ANXA4: variants seen among roughly 807,000 people sequenced by gnomAD.
ANXA4 encodes 35-beta calcimedin.
Under a neutral mutation model 49.8 loss-of-function variants are expected in ANXA4, and 39 were observed. That is an observed-to-expected ratio of 0.78 (90% CI 0.61 to 1.02). ANXA4 has a LOEUF of 1.02. ANXA4 is among the 50% of genes least tolerant of loss of function. ANXA4 has a pLI of 0.00. For synonymous variants in ANXA4, 134 were observed against 152.5 expected (o/e 0.88, Z 0.89); for missense variants, 360 against 410.1 (o/e 0.88, Z 1.05).
At chr2:69,778,775 C>CAAA (rs58688910) in intron 1 of ANXA4, among the ~76,000 whole-genome samples, 6 of 36,564 alleles carry the variant, frequency 1.6e-4, no homozygotes, top group East Asian at 7.9e-4. Flanking sequence ...AACTCTGTCT[C>CAAA]AAAAAAAAAA....
chr2:69,761,890 A>C (rs914706699), intron 1 of ANXA4, among the ~76,000 whole-genome samples: 1 of 152,230 alleles, frequency 6.6e-6, no homozygotes, highest in African/African-American at 2.4e-5. Context: ...TTCTTCAAAT[A>C]AATACATTAA....
intron 1 of ANXA4, among the ~76,000 whole-genome samples, chr2:69,766,853 A>G (rs1671512264): frequency 6.6e-6 from 1 of 152,130 alleles, no homozygotes; most frequent in Admixed American, 6.6e-5. Flanking sequence ...TATAAAGTGG[A>G]GGGGTGGGTC....
rs1670533263 is a variant in ANXA4, at chr2:69,744,493, G to A, written c.-47+2318G>A. On this transcript the variant is annotated intron_variant, in intron 1 of 12. Transcript: ENST00000394295. ...AAGAAACCTCAAAAACATTTTGCTTGGGATTTGAGCTGCAATTTGGTCCAA... is the reference window on the plus strand; with the variant it reads ...AAGAAACCTCAAAAACATTTTGCTTAGGATTTGAGCTGCAATTTGGTCCAA... 2.0e-5 allele frequency among the ~76,000 whole-genome samples: 3 copies of A among 152,148 alleles called. No individual in the cohort carries two copies. The South Asian group carries it at 6.2e-4, about 32-fold the overall frequency.
chr2:69,729,913 G>C (rs1476635882), intron 3 of ANXA4, among the ~76,000 whole-genome samples: 1 of 152,204 alleles, frequency 6.6e-6, no homozygotes, highest in East Asian at 1.9e-4. Flanking sequence ...ACAGATATTT[G>C]CATAACAGAC....
chr2:69,706,423 C>A (rs1258475318), intron 2 of ANXA4, among the ~76,000 whole-genome samples: 1 of 150,628 alleles, frequency 6.6e-6, no homozygotes, highest in African/African-American at 2.4e-5. Context: ...GCCTCAGCCT[C>A]CCGAGTAGCT....
intron 1 of ANXA4, among the ~76,000 whole-genome samples, chr2:69,775,005 G>A (rs563470812): frequency 1.3e-5 from 2 of 152,304 alleles, no homozygotes; most frequent in South Asian, 4.1e-4. Context: ...CGAAACCTAA[G>A]ACACTGTCAC....
chr2:69,815,295 T>C (rs973579763), intron 8 of ANXA4: 1 of 152,236 alleles, frequency 6.6e-6, no homozygotes, highest in Admixed American at 6.5e-5. Flanking sequence ...GATGAACGCT[T>C]TCAGCTTTAA....
chr2:69,700,370 C>T (rs141537241), intron 2 of ANXA4: 74 of 152,252 alleles, frequency 4.9e-4, no homozygotes, highest in African/African-American at 1.7e-3. Flanking sequence ...CACATCAAGG[C>T]TGTCTCTAAA....
intron 6 of ANXA4, chr2:69,809,205 T>A (rs1417234247): frequency 6.6e-6 from 1 of 152,214 alleles, no homozygotes; most frequent in African/African-American, 2.4e-5. Context: ...GCCTTGCCCC[T>A]TCTTTTTACT....
chr2:69,700,331 A>G (rs916559993), intron 2 of ANXA4: 3 of 152,204 alleles, frequency 2.0e-5, no homozygotes, highest in African/African-American at 7.2e-5. Context: ...ACAGTGAGCT[A>G]TGGCACCACT....
At chr2:69,753,133 T>C (rs1048704547) in intron 1 of ANXA4, among the ~76,000 whole-genome samples, 1 of 152,226 alleles carries the variant, frequency 6.6e-6, no homozygotes, top group Non-Finnish European at 1.5e-5. Flanking sequence ...GTTCTATTTC[T>C]CTTAGATTAC....
chr2:69,646,037 A>G (rs1007799988), intron 1 of ANXA4, among the ~76,000 whole-genome samples: 3 of 152,172 alleles, frequency 2.0e-5, no homozygotes, highest in Non-Finnish European at 2.9e-5. Flanking sequence ...GAGAGCAAAC[A>G]TTAACTGATT....
Position 69,763,951 on chromosome 2 carries a change from G to A in ANXA4, c.-46-17569G>A, listed in dbSNP as rs116621832. Among the ~76,000 whole-genome samples the A allele has an allele frequency of 4.8e-3, 724 of 152,196 alleles. 2 individuals are homozygous for A. Among genetic ancestry groups the A allele is most frequent in the African/African-American group, 0.016 (671 of 41,524 alleles). Reference sequence around the variant, plus strand: ...GCTGGGATTACAGACGTGAGCCACCGCACCTGACCTTAGTTTTTTTCTGAC... The same window carrying A: ...GCTGGGATTACAGACGTGAGCCACCACACCTGACCTTAGTTTTTTTCTGAC... On this transcript the variant is annotated intron_variant, in intron 1 of 12. Coordinates refer to ENST00000394295, the MANE Select transcript of ANXA4 (RefSeq NM_001153.5).
chr2:69,671,005 G>A (rs984663111), intron 2 of ANXA4, among the ~76,000 whole-genome samples: 1 of 118,490 alleles, frequency 8.4e-6, no homozygotes, highest in Non-Finnish European at 1.6e-5. Flanking sequence ...CAGCATGGGT[G>A]ACAGAGTCAG....
chr2:69,780,338 G>A (rs116143699), intron 1 of ANXA4, among the ~76,000 whole-genome samples: 3,321 of 152,268 alleles, frequency 0.022, 52 homozygotes, highest in Non-Finnish European at 0.036. Flanking sequence ...GGAATTACAG[G>A]CGTGTGCCAC....
intron 2 of ANXA4, among the ~76,000 whole-genome samples, chr2:69,680,013 T>G (rs1460628753): frequency 6.6e-6 from 1 of 152,236 alleles, no homozygotes; most frequent in Non-Finnish European, 1.5e-5. Flanking sequence ...TACATGAATT[T>G]TAGGATTTTT....
chr2:69,814,264 A>G (rs1226680270), intron 8 of ANXA4, among the ~76,000 whole-genome samples: 1 of 152,018 alleles, frequency 6.6e-6, no homozygotes, highest in Non-Finnish European at 1.5e-5. Flanking sequence ...GCATTCCAAT[A>G]GAAACAATGG....
chr2:69,789,075 T>G (rs1201473427), intron 3 of ANXA4, among the ~76,000 whole-genome samples: 1 of 152,230 alleles, frequency 6.6e-6, no homozygotes, highest in Non-Finnish European at 1.5e-5. Flanking sequence ...ATCTGCATAT[T>G]AAATTTTAGA....
At chr2:69,702,338 A>C (rs180819105) in intron 2 of ANXA4, among the ~76,000 whole-genome samples, 1 of 152,186 alleles carries the variant, frequency 6.6e-6, no homozygotes, top group East Asian at 1.9e-4. Flanking sequence ...ATTATGAAAA[A>C]ATCCAAAATA....
Sources: allele counts gnomAD v4.1 joint callset (sites outside exome capture counted in the v4.1 genomes callset), GRCh38; gene constraint gnomAD v4.1.1; transcripts MANE v1.5; gene names NCBI Gene and HGNC (gene_info 2026-07-23, HGNC 2026-07-21).